The following PPARGC1A variants were observed in gnomAD, a reference collection of about 807,000 sequenced individuals.
PPARGC1A encodes the protein PPARG coactivator 1 alpha.
PPARGC1A carries 25 observed loss-of-function variants against 88.7 expected under a neutral mutation model. That is an observed-to-expected ratio of 0.28 (90% confidence interval 0.21 to 0.39). PPARGC1A has a LOEUF of 0.39. Among genes scored for constraint, PPARGC1A ranks in the 10% least tolerant of loss-of-function variants. The pLI is 1.00. For synonymous variants in PPARGC1A, 363 were observed against 355.6 expected (o/e 1.02, Z -0.24); for missense variants, 880 against 968.7 (o/e 0.91, Z 1.22).
At chr4:24,139,806 C>G in the PPARGC1A span, among the ~76,000 whole-genome samples, 2 of 152,196 alleles carry the variant, frequency 1.3e-5, no homozygotes, top group East Asian at 3.9e-4. Flanking sequence ...GGGAAGTGCT[C>G]ATTTGTGAGC....
At position 23,813,035 on chromosome 4, in the gene PPARGC1A, G is replaced by A. The variant is rs766169141; in HGVS notation, c.1884C>T (p.Tyr628=). Residue 628 remains tyrosine, a synonymous_variant, in exon 9 of 13, where the codon TAC becomes TAT. Coordinates refer to ENST00000264867, the MANE Select transcript of PPARGC1A (RefSeq NM_013261.5). Reference sequence around the variant, plus strand: ...TGCCTCATTACCTGGGCCGACGGCTGTAGGGCGATCTTGAACGTGATCTCA... The same window carrying A: ...TGCCTCATTACCTGGGCCGACGGCTATAGGGCGATCTTGAACGTGATCTCA... ...LYVRSRSRSP[Y]SRRPRYDSYE... 3.1e-6 allele frequency: 5 copies of A among 1,613,946 alleles called. No individual in the cohort carries two copies. The highest frequency in any genetic ancestry group is 1.7e-5 in the Admixed American group (1 of 59,994).
chr4:24,133,859 T>C, the PPARGC1A span, among the ~76,000 whole-genome samples: 1 of 152,206 alleles, frequency 6.6e-6, no homozygotes, highest in Non-Finnish European at 1.5e-5. Context: ...TCTACTAGAA[T>C]AAGGAGCAAA....
the PPARGC1A span, among the ~76,000 whole-genome samples, chr4:24,424,141 C>A: frequency 1.3e-5 from 2 of 151,544 alleles, no homozygotes; most frequent in African/African-American, 2.4e-5. Flanking sequence ...TTGTTTTCAC[C>A]CTTTACACTT....
At chr4:24,402,122 A>G in the PPARGC1A span, among the ~76,000 whole-genome samples, 2 of 152,216 alleles carry the variant, frequency 1.3e-5, no homozygotes, top group South Asian at 4.1e-4. Flanking sequence ...AGGTGGCAGC[A>G]GAATACAGGA....
chr4:24,238,859 C>A, the PPARGC1A span, among the ~76,000 whole-genome samples: 3 of 147,192 alleles, frequency 2.0e-5, no homozygotes, highest in African/African-American at 7.5e-5. Flanking sequence ...AGGTGTGTAC[C>A]CACATGAACA....
At position 23,814,375 on chromosome 4, in the gene PPARGC1A, C is replaced by T. The variant is rs751487886; in HGVS notation, c.1108G>A (p.Glu370Lys). ...AGACTGGGCCGCTTGGTCTTCCTTT[C>T]CTCGTGTCCACCAGTGAGGACTGAG... ...KSSVLTGGHE[E>K]RKTKRPSLRL... The change falls in exon 8 of 13, where the codon GAA becomes AAA. Residue 370 changes from glutamate (E) to lysine (K), a missense_variant. Glu to Lys is a moderately conservative substitution (Grantham distance 56). Transcript: ENST00000264867. 6 of 1,613,866 alleles carry T rather than the reference C, an allele frequency of 3.7e-6. No homozygotes were observed. The East Asian group carries it at 8.9e-5, about 24-fold the overall frequency.
In PPARGC1A at chr4:23,793,862, T is replaced by C. The variant is rs888505835; in HGVS notation, c.*1960A>G. On this transcript the variant is annotated 3_prime_UTR_variant, in exon 13 of 13. Coordinates refer to ENST00000264867, the MANE Select transcript of PPARGC1A (RefSeq NM_013261.5). ...AAGCACTTACACTCCAACCTGACAA[T>C]TGTCATGCATCCTAGGTAGAAAATT... 7.9e-5 allele frequency: 12 copies of C among 152,424 alleles called. No homozygotes were observed. Among genetic ancestry groups the C allele is most frequent in the African/African-American group, 2.7e-4 (11 of 41,446 alleles). 9.4% of individuals were successfully genotyped at this position (152,424 alleles called of 1,614,324 possible).
In PPARGC1A at chr4:23,884,824, T is replaced by A. The variant is rs368981159; in HGVS notation, c.162A>T (p.Gly54=). 1.1e-5 allele frequency: 17 copies of A among 1,613,814 alleles called. No individual in the cohort carries two copies. Among genetic ancestry groups the A allele is most frequent in the Non-Finnish European group, 1.3e-5 (15 of 1,179,908 alleles). The change falls in exon 2 of 13, where the codon GGA becomes GGT. Residue 54 remains glycine, a synonymous_variant. Coordinates refer to ENST00000264867, the MANE Select transcript of PPARGC1A (RefSeq NM_013261.5). ...CTGATTGGTCACTGCACCACTTGAG[T>A]CCACCCAGAAAGCTGTCTGTATCCA... ...NDLDTDSFLG[G]LKWCSDQSEI... is the part of the protein sequence containing the mutation.
At chr4:24,272,633 A>G in the PPARGC1A span, among the ~76,000 whole-genome samples, 2 of 152,084 alleles carry the variant, frequency 1.3e-5, no homozygotes, top group African/African-American at 4.8e-5. Flanking sequence ...TATTTGCACA[A>G]CTCTTCCAGT....
At chr4:24,261,061 G>A in the PPARGC1A span, among the ~76,000 whole-genome samples, 19 of 152,108 alleles carry the variant, frequency 1.2e-4, no homozygotes, top group Non-Finnish European at 1.2e-4. Flanking sequence ...TTCCTTGTCA[G>A]TTTCGCTGGC....
chr4:23,822,468 T>C (rs1723176745), intron 7 of PPARGC1A, among the ~76,000 whole-genome samples: 1 of 152,108 alleles, frequency 6.6e-6, no homozygotes, highest in Non-Finnish European at 1.5e-5. Flanking sequence ...GTCCTTTAAC[T>C]GCCTTTATCA....
chr4:24,179,698 A>G, the PPARGC1A span, among the ~76,000 whole-genome samples: 1 of 152,180 alleles, frequency 6.6e-6, no homozygotes, highest in Admixed American at 6.5e-5. Flanking sequence ...CAGAATCATG[A>G]GCTACATAAG....
the PPARGC1A span, among the ~76,000 whole-genome samples, chr4:24,174,964 A>G: frequency 1.3e-5 from 2 of 152,136 alleles, no homozygotes; most frequent in African/African-American, 4.8e-5. Context: ...GCTGTTGCAA[A>G]GTGTTTATCT....
chr4:23,923,287 G>A, the PPARGC1A span, among the ~76,000 whole-genome samples: 17 of 152,128 alleles, frequency 1.1e-4, no homozygotes, highest in East Asian at 1.9e-4. Flanking sequence ...ATGCAGGTCA[G>A]CAGAGGTAAC....
At chr4:24,411,232 G>A in the PPARGC1A span, among the ~76,000 whole-genome samples, 2 of 152,264 alleles carry the variant, frequency 1.3e-5, no homozygotes, top group Middle Eastern at 3.4e-3. Flanking sequence ...AAGAGAAGCC[G>A]ACTGTCCTGG....
the PPARGC1A span, among the ~76,000 whole-genome samples, chr4:24,222,133 G>T: frequency 6.6e-6 from 1 of 152,124 alleles, no homozygotes; most frequent in Admixed American, 6.5e-5. Context: ...AAAAGCAGAG[G>T]AGGCTAAAAA....
At chr4:24,443,758 G>T in the PPARGC1A span, among the ~76,000 whole-genome samples, 4 of 134,780 alleles carry the variant, frequency 3.0e-5, no homozygotes, top group Middle Eastern at 3.6e-3. Flanking sequence ...GTTTTACTAT[G>T]TTGGCCAGGC....
chr4:24,363,455 G>C, the PPARGC1A span, among the ~76,000 whole-genome samples: 20 of 152,176 alleles, frequency 1.3e-4, no homozygotes, highest in African/African-American at 4.8e-4. Flanking sequence ...GTAACATTCA[G>C]CTCGGTAATA....
At chr4:24,278,128 C>T in the PPARGC1A span, among the ~76,000 whole-genome samples, 3 of 151,814 alleles carry the variant, frequency 2.0e-5, no homozygotes, top group South Asian at 2.1e-4. Context: ...GATTGCACCA[C>T]TGCACTCCAG....
Sources: gnomAD v4.1 joint callset for allele counts (sites outside exome capture counted in the v4.1 genomes callset) on GRCh38, gnomAD v4.1.1 for gene constraint, MANE v1.5 for transcripts, NCBI Gene and HGNC (gene_info 2026-07-23, HGNC 2026-07-21) for gene names.